IPO11: variants seen among roughly 807,000 people sequenced by gnomAD.
The protein encoded by IPO11 is importin 11, also known as importin-11.
Under a neutral mutation model 143.2 loss-of-function variants are expected in IPO11, and 66 were observed. The ratio of observed to expected loss-of-function variants is 0.46; its 90% CI spans 0.38 to 0.57. The LOEUF is 0.57. IPO11 is among the 20% of genes least tolerant of loss of function. IPO11 has a pLI of 0.00. For synonymous variants in IPO11, 385 were observed against 377.8 expected, an observed-to-expected ratio of 1.02 and a Z score of -0.22; for missense variants, 1,026 against 1,141.0, an observed-to-expected ratio of 0.90 and a Z score of 1.45.
At chr5:62,494,272 G>A in intron 16 of IPO11, 148 bp downstream of exon 16, 1 of 565,810 alleles carries the variant, frequency 1.8e-6, no homozygotes, top group Middle Eastern at 5.4e-4. Context: ...TTGATTTGAG[G>A]GTAGAAAATC....
rs1554057724 is a variant in IPO11, at chr5:62,598,527, T to TC, written c.2679-3237_2679-3236insC. ...CTTTCTTTCTTTCTTTCTTTCTTTC[T>TC]TTTCTTTCTTTTCTTTCTTTTCTTT... On this transcript the variant is annotated intron_variant, in intron 28 of 29. Coordinates refer to ENST00000325324, the MANE Select transcript of IPO11 (RefSeq NM_016338.5). Among the ~76,000 whole-genome samples the TC allele has an allele frequency of 8.7e-4, 6 of 6,888 alleles. 2 individuals are homozygous for TC. Among genetic ancestry groups the TC allele is most frequent in the Non-Finnish European group, 8.6e-4 (4 of 4,640 alleles). 4.5% of individuals were successfully genotyped at this position (6,888 alleles called of 152,430 possible). A position where few individuals can be genotyped will look rare whatever the true frequency, so the allele number is the denominator to read the frequency against.
chr5:62,479,197 C>T (rs1030899620), intron 9 of IPO11, among the ~76,000 whole-genome samples: 12 of 152,210 alleles, frequency 7.9e-5, no homozygotes, highest in South Asian at 6.2e-4. Context: ...TTTGGTTTTC[C>T]GTCCTTGCGA....
At chr5:62,521,814 TTTC>T (rs1742212287) in intron 20 of IPO11, among the ~76,000 whole-genome samples, 2 of 152,196 alleles carry the variant, frequency 1.3e-5, no homozygotes, top group Admixed American at 6.5e-5. Context: ...TTATTGAGTT[TTTC>T]TTTTCTGGTG....
intron 24 of IPO11, among the ~76,000 whole-genome samples, chr5:62,540,025 C>T (rs1413119107): frequency 1.3e-5 from 2 of 152,126 alleles, no homozygotes; most frequent in African/African-American, 4.8e-5. Context: ...GTATGTATGC[C>T]TGTTTTAACC....
At chr5:62,520,611 A>T (rs1235353637) in intron 20 of IPO11, among the ~76,000 whole-genome samples, 2 of 152,186 alleles carry the variant, frequency 1.3e-5, no homozygotes, top group Non-Finnish European at 2.9e-5. Context: ...CCTGTGAGTG[A>T]GAACGTGCTG....
intron 15 of IPO11, among the ~76,000 whole-genome samples, chr5:62,491,939 G>A (rs1360893267): frequency 6.6e-6 from 1 of 152,072 alleles, no homozygotes; most frequent in East Asian, 1.9e-4. Context: ...CAAAGAATAA[G>A]ATTTTGTTTC....
rs746980417 is a variant in IPO11, at chr5:62,536,686, T to C, written c.2090-16T>C. On this transcript the variant is annotated splice_polypyrimidine_tract_variant and intron_variant, in intron 22 of 29. Coordinates refer to ENST00000325324, the MANE Select transcript of IPO11 (RefSeq NM_016338.5). ...AATTAATTTGGTTTTTTGTTTGACA[T>C]TTATTGTTTTGGCAGAACTAAGTTC... The C allele has an allele frequency of 1.9e-6, 3 of 1,575,158 alleles. No homozygotes were observed. The highest frequency in any genetic ancestry group is 2.6e-6 in the Non-Finnish European group (3 of 1,167,360).
intron 24 of IPO11, among the ~76,000 whole-genome samples, chr5:62,549,030 G>T (rs1297422303): frequency 6.6e-6 from 1 of 151,670 alleles, no homozygotes; most frequent in Non-Finnish European, 1.5e-5. Flanking sequence ...GACTCTCTCG[G>T]TCTACTAGCT....
intron 29 of IPO11, among the ~76,000 whole-genome samples, chr5:62,617,756 A>G (rs1276253786): frequency 1.3e-5 from 2 of 152,202 alleles, no homozygotes; most frequent in African/African-American, 4.8e-5. Context: ...TTTATAAAAC[A>G]TGTAAGAAAT....
chr5:62,528,111 G>T (rs1395775585), intron 21 of IPO11, among the ~76,000 whole-genome samples: 1 of 152,182 alleles, frequency 6.6e-6, no homozygotes, highest in Non-Finnish European at 1.5e-5. Flanking sequence ...TCTGGCCAGG[G>T]CAGAATTCTA....
At chr5:62,434,090 C>T (rs900776725) in intron 1 of IPO11, among the ~76,000 whole-genome samples, 16 of 152,100 alleles carry the variant, frequency 1.1e-4, no homozygotes, top group Admixed American at 7.9e-4. Context: ...CGCCACTTTC[C>T]CCTTTTCTCA....
chr5:62,437,518 T>C, intron 2 of IPO11, 101 bp downstream of exon 2: 2 of 1,036,308 alleles, frequency 1.9e-6, no homozygotes, highest in Non-Finnish European at 2.8e-6. Context: ...TGAAATAGAT[T>C]CAGATGTTTG....
intron 24 of IPO11, among the ~76,000 whole-genome samples, chr5:62,542,250 A>G (rs1307743031): frequency 6.6e-6 from 1 of 152,050 alleles, no homozygotes; most frequent in Non-Finnish European, 1.5e-5. Flanking sequence ...CTAAATCTGT[A>G]TGTTTGGTTT....
intron 29 of IPO11, among the ~76,000 whole-genome samples, chr5:62,605,713 G>GTATTATTATTATTATTATTATTAT (rs139613779): frequency 2.0e-5 from 3 of 146,718 alleles, no homozygotes; most frequent in Non-Finnish European, 4.5e-5. Context: ...AGCTAACAAA[G>GTATTATTATTATTATTATTATTAT]TATTATTATT....
At chr5:62,552,184 C>G (rs929904413) in intron 26 of IPO11, among the ~76,000 whole-genome samples, 3 of 151,974 alleles carry the variant, frequency 2.0e-5, no homozygotes, top group African/African-American at 7.2e-5. Context: ...TGCTGTAAGT[C>G]ATTAATCTGT....
intron 5 of IPO11, among the ~76,000 whole-genome samples, chr5:62,465,753 T>C (rs1214157333): frequency 6.6e-6 from 1 of 152,252 alleles, no homozygotes; most frequent in Non-Finnish European, 1.5e-5. Context: ...CCCTGACTGA[T>C]TTAGTTTGTA....
chr5:62,557,985 A>G (rs1399603103), intron 26 of IPO11, among the ~76,000 whole-genome samples: 1 of 152,146 alleles, frequency 6.6e-6, no homozygotes, highest in Non-Finnish European at 1.5e-5. Context: ...AATTATAGTA[A>G]GTCACCTAGA....
At chr5:62,523,452 AAGT>A (rs1216199554) in intron 20 of IPO11, among the ~76,000 whole-genome samples, 2 of 152,172 alleles carry the variant, frequency 1.3e-5, no homozygotes, top group Non-Finnish European at 2.9e-5. Context: ...TATTTTAGAA[AAGT>A]AGTCAGTGCA....
chr5:62,579,686 TTCATTC>T, intron 27 of IPO11: 1 of 1,547,906 alleles, frequency 6.5e-7, no homozygotes, highest in Admixed American at 2.0e-5. Context: ...TTAACAGGAC[TTCATTC>T]TCTTGTAGCA....
Sources: gnomAD v4.1 joint callset for allele counts (sites outside exome capture counted in the v4.1 genomes callset) on GRCh38, gnomAD v4.1.1 for gene constraint, MANE v1.5 for transcripts, NCBI Gene and HGNC (gene_info 2026-07-23, HGNC 2026-07-21) for gene names.